Variants in CDK19 observed in about 807,000 individuals in gnomAD.
CDK19 encodes the protein cyclin dependent kinase 19.
In CDK19, 20 loss-of-function variants were observed where a neutral mutation model predicts 68.3. The observed-to-expected ratio is 0.29, with a 90% CI of 0.21 to 0.43. CDK19 has a LOEUF of 0.43. Ranked by LOEUF, CDK19 falls within the 20% of genes least tolerant of loss-of-function variation. CDK19 has a pLI of 1.00. For synonymous variants in CDK19, 221 were observed against 222.8 expected, an observed-to-expected ratio of 0.99 and a Z score of 0.07; for missense variants, 339 against 623.5, an observed-to-expected ratio of 0.54 and a Z score of 4.86.
At chr6:110,734,519 T>TTCTTTCTCTC in intron 2 of CDK19, among the ~76,000 whole-genome samples, 1 of 19,296 alleles carries the variant, frequency 5.2e-5, no homozygotes, top group Admixed American at 7.8e-4. Context: ...GGGTGAGCAC[T>TTCTTTCTCTC]GCTCTCTCTC....
intron 2 of CDK19, among the ~76,000 whole-genome samples, chr6:110,738,484 C>A (rs1274854513): frequency 6.6e-6 from 1 of 152,098 alleles, no homozygotes; most frequent in Non-Finnish European, 1.5e-5. Context: ...CGCGCCACTG[C>A]ACTCCAGCCT....
chr6:110,733,296 T>C (rs1776900361), intron 2 of CDK19, among the ~76,000 whole-genome samples: 1 of 152,176 alleles, frequency 6.6e-6, no homozygotes, highest in African/African-American at 2.4e-5. Context: ...TTTTTTAGAG[T>C]TTAATATTAA....
chr6:110,766,936 T>A (rs186794788), intron 1 of CDK19, among the ~76,000 whole-genome samples: 1 of 151,076 alleles, frequency 6.6e-6, no homozygotes, highest in Non-Finnish European at 1.5e-5. Flanking sequence ...GAGTTCGAGA[T>A]CAGCCTGGCC....
At chr6:110,742,663 G>GT (rs1777770305) in intron 2 of CDK19, among the ~76,000 whole-genome samples, 1 of 152,164 alleles carries the variant, frequency 6.6e-6, no homozygotes, top group South Asian at 2.1e-4. Context: ...CACTCTGGGA[G>GT]TGTCTGTCTT....
chr6:110,639,155 C>A (rs1353358944), intron 4 of CDK19, among the ~76,000 whole-genome samples: 3 of 152,118 alleles, frequency 2.0e-5, no homozygotes, highest in Non-Finnish European at 4.4e-5. Context: ...CAGCATTCAA[C>A]AACTCTATTA....
chr6:110,655,427 C>A (rs1781251256), intron 4 of CDK19, among the ~76,000 whole-genome samples: 1 of 151,812 alleles, frequency 6.6e-6, no homozygotes, highest in South Asian at 2.1e-4. Context: ...AAAATCTATA[C>A]CTCTAGGTCT....
chr6:110,723,895 A>G (rs1439955243), intron 2 of CDK19, among the ~76,000 whole-genome samples: 1 of 152,122 alleles, frequency 6.6e-6, no homozygotes, highest in Non-Finnish European at 1.5e-5. Flanking sequence ...TCTTCCCGTT[A>G]TCTAGAAAAA....
intron 4 of CDK19, among the ~76,000 whole-genome samples, chr6:110,641,640 G>GGAAA (rs1554195985): frequency 0.082 from 10,794 of 131,214 alleles, 803 homozygotes; most frequent in East Asian, 0.22. Flanking sequence ...AGGAGGAAAG[G>GGAAA]GAAAGAAAGG....
At chr6:110,707,445 G>T (rs1395593354) in intron 2 of CDK19, among the ~76,000 whole-genome samples, 1 of 152,010 alleles carries the variant, frequency 6.6e-6, no homozygotes, top group Non-Finnish European at 1.5e-5. Context: ...CTGGATACCT[G>T]TATCCAAAGA....
At chr6:110,673,964 G>A (rs898559216) in intron 2 of CDK19, among the ~76,000 whole-genome samples, 2 of 152,102 alleles carry the variant, frequency 1.3e-5, no homozygotes, top group Non-Finnish European at 2.9e-5. Flanking sequence ...TTTTTCCCAA[G>A]TAGAAGGTTT....
intron 1 of CDK19, among the ~76,000 whole-genome samples, chr6:110,803,461 T>C (rs1782473677): frequency 1.3e-5 from 2 of 152,326 alleles, no homozygotes; most frequent in East Asian, 3.9e-4. Context: ...TTTAATAGCA[T>C]AAAATTATTT....
chr6:110,810,381 T>C (rs1782994072), intron 1 of CDK19, among the ~76,000 whole-genome samples: 1 of 152,174 alleles, frequency 6.6e-6, no homozygotes, highest in Non-Finnish European at 1.5e-5. Flanking sequence ...TAGCAGCAAT[T>C]TGGATCTTGG....
At chr6:110,733,973 T>C (rs1776972778) in intron 2 of CDK19, among the ~76,000 whole-genome samples, 1 of 152,176 alleles carries the variant, frequency 6.6e-6, no homozygotes, top group Admixed American at 6.6e-5. Flanking sequence ...CTGTTTACTT[T>C]AAAAATTATT....
intron 4 of CDK19, among the ~76,000 whole-genome samples, chr6:110,662,847 GA>G (rs980720756): frequency 6.6e-6 from 1 of 152,216 alleles, no homozygotes; most frequent in Non-Finnish European, 1.5e-5. Context: ...TCTCAGCCAA[GA>G]TGAACATATT....
At chr6:110,783,644 A>G (rs1268601615) in intron 1 of CDK19, among the ~76,000 whole-genome samples, 4 of 151,952 alleles carry the variant, frequency 2.6e-5, no homozygotes, top group Admixed American at 1.3e-4. Flanking sequence ...TCTCAAAAAA[A>G]AAAAAGAAAA....
intron 2 of CDK19, among the ~76,000 whole-genome samples, chr6:110,674,881 G>A (rs1468602114): frequency 3.4e-5 from 5 of 147,048 alleles, no homozygotes; most frequent in Non-Finnish European, 6.0e-5. Flanking sequence ...CAGCCCGGGC[G>A]ACACAGCGAG....
intron 2 of CDK19, among the ~76,000 whole-genome samples, chr6:110,723,161 A>AAAAG (rs1776062259): frequency 1.3e-5 from 2 of 151,350 alleles, no homozygotes; most frequent in African/African-American, 2.4e-5. Flanking sequence ...CAAAAAAAAA[A>AAAAG]ACGCAGATTT....
chr6:110,786,674 G>C (rs1184204771), intron 1 of CDK19, among the ~76,000 whole-genome samples: 5 of 147,196 alleles, frequency 3.4e-5, no homozygotes. Flanking sequence ...GGGGCAAATA[G>C]ATCACTTCAA....
At chr6:110,634,172 G>C (rs185840609) in intron 5 of CDK19, among the ~76,000 whole-genome samples, 1 of 152,192 alleles carries the variant, frequency 6.6e-6, no homozygotes, top group East Asian at 1.9e-4. Flanking sequence ...TACATAAGCA[G>C]AACAGGCAAA....
Sources: gnomAD v4.1 joint callset for allele counts (sites outside exome capture counted in the v4.1 genomes callset) on GRCh38, gnomAD v4.1.1 for gene constraint, MANE v1.5 for transcripts, NCBI Gene and HGNC (gene_info 2026-07-23, HGNC 2026-07-21) for gene names.